DNAH11: variants seen among roughly 807,000 people sequenced by gnomAD.
DNAH11 encodes the protein dynein axonemal heavy chain 11, also known as axonemal beta dynein heavy chain 11.
In DNAH11, 442 loss-of-function variants were observed where a neutral mutation model predicts 526.0. The observed-to-expected ratio is 0.84, with a 90% CI of 0.78 to 0.91. DNAH11 has a LOEUF of 0.91. DNAH11 is among the 40% of genes least tolerant of loss of function. DNAH11 has a pLI of 0.00. For missense variants in DNAH11, 6,989 were observed against 5,448.7 expected (o/e 1.28, Z -8.90); for synonymous variants, 2,461 against 1,935.9 (o/e 1.27, Z -7.12).
intron 46 of DNAH11, 128 bp from the exon 47 acceptor site, chr7:21,738,573 A>G: frequency 2.2e-6 from 2 of 897,902 alleles, no homozygotes; most frequent in Non-Finnish European, 1.7e-6. Flanking sequence ...CTCTTAACCT[A>G]TGAAGGGGCG....
chr7:21,543,616 G>A lies in DNAH11; in HGVS notation c.351+20G>A. 6.4e-7 allele frequency: 1 copy of A among 1,566,946 alleles called. No homozygotes were observed. Among genetic ancestry groups the A allele is most frequent in the Non-Finnish European group, 8.7e-7 (1 of 1,155,480 alleles). The stretch of plus-strand genomic sequence containing the variant: ...CAGGAGGTAAGAGGCGACGGGCAAG[G>A]GGACCTGCCCATCCAACAAAACTAC... On this transcript the variant is annotated intron_variant, in intron 1 of 81. Transcript: ENST00000409508.
intron 75 of DNAH11, 66 bp downstream of exon 75, chr7:21,880,959 T>C: frequency 7.2e-7 from 1 of 1,392,230 alleles, no homozygotes; most frequent in Non-Finnish European, 9.7e-7. Context: ...TTGGGCACTA[T>C]CAAAATTGAC....
At chr7:21,812,666 AAGAG>A (rs150181073) in intron 63 of DNAH11, among the ~76,000 whole-genome samples, 1 of 151,856 alleles carries the variant, frequency 6.6e-6, no homozygotes, top group Admixed American at 6.6e-5. Context: ...AAAGAAAGAA[AAGAG>A]AGAGAGAGAG....
intron 9 of DNAH11, among the ~76,000 whole-genome samples, chr7:21,586,118 G>A (rs1000456807): frequency 1.3e-5 from 2 of 152,060 alleles, no homozygotes; most frequent in Non-Finnish European, 2.9e-5. Flanking sequence ...TTACAACCTC[G>A]CCTCAGAGTA....
At chr7:21,699,927 GT>G (rs1479216607) in intron 36 of DNAH11, among the ~76,000 whole-genome samples, 1 of 151,928 alleles carries the variant, frequency 6.6e-6, no homozygotes, top group East Asian at 1.9e-4. Context: ...AAGAATTTAG[GT>G]AATTCAGTTT....
chr7:21,854,291 TTA>T, intron 67 of DNAH11, 22 bp from the exon 68 acceptor site: 1 of 1,610,780 alleles, frequency 6.2e-7, no homozygotes, highest in South Asian at 1.1e-5. Flanking sequence ...AATAAGTTAC[TTA>T]TTTTGTTTGA....
In DNAH11 at chr7:21,882,759, T is replaced by C. The variant is rs150492111; in HGVS notation, c.12388-1532T>C. On this transcript the variant is annotated intron_variant, in intron 75 of 81. Coordinates refer to ENST00000409508, the MANE Select transcript of DNAH11 (RefSeq NM_001277115.2). Reference sequence around the variant, plus strand: ...TTGCAGTAAGCTGAGATCATACCACTGCACTCCAGCCTGAGCAACAGAGTA... The same window carrying C: ...TTGCAGTAAGCTGAGATCATACCACCGCACTCCAGCCTGAGCAACAGAGTA... Among the ~76,000 whole-genome samples, 476 of 152,178 alleles carry C rather than the reference T, an allele frequency of 3.1e-3. 4 individuals carry two copies. The highest frequency in any genetic ancestry group is 0.01 in the African/African-American group (434 of 41,494).
chr7:21,742,039 T>G lies in DNAH11; in HGVS notation c.8027T>G (p.Leu2676Arg). ...CAGCAAGCATTTGCTCCATCAATTC[T>G]CAGGAGTGGCCCCACTTTGATCCAG... ...FQQQAFAPSILRSGPTLIQAT... is the reference protein window; with the variant it reads ...FQQQAFAPSIRRSGPTLIQAT... The change falls in exon 49 of 82, where the codon CTC becomes CGC. Residue 2676 changes from leucine to arginine, a missense_variant. Leu to Arg is a moderately radical substitution (Grantham distance 102). Transcript: ENST00000409508. 1 of 1,613,938 alleles carries G rather than the reference T, an allele frequency of 6.2e-7. No homozygotes were observed. The highest frequency in any genetic ancestry group is 8.5e-7 in the Non-Finnish European group (1 of 1,179,858).
At chr7:21,811,015 A>G (rs1217144889) in intron 63 of DNAH11, among the ~76,000 whole-genome samples, 1 of 152,248 alleles carries the variant, frequency 6.6e-6, no homozygotes, top group East Asian at 1.9e-4. Context: ...ACATTAGCCA[A>G]AAGATGGAAG....
intron 66 of DNAH11, among the ~76,000 whole-genome samples, chr7:21,848,157 ACT>A (rs1473370228): frequency 7.5e-6 from 1 of 133,250 alleles, no homozygotes; most frequent in Non-Finnish European, 1.5e-5. Context: ...ATAGAGCGAG[ACT>A]CTGTTTCAAA....
At chr7:21,713,117 A>G (rs1784523330) in intron 42 of DNAH11, among the ~76,000 whole-genome samples, 1 of 152,210 alleles carries the variant, frequency 6.6e-6, no homozygotes, top group Non-Finnish European at 1.5e-5. Flanking sequence ...CATTTTCTAC[A>G]GTTCATCCTG....
intron 74 of DNAH11, among the ~76,000 whole-genome samples, chr7:21,878,372 C>CTAGA (rs1783795925): frequency 6.6e-6 from 1 of 152,264 alleles, no homozygotes; most frequent in African/African-American, 2.4e-5. Flanking sequence ...TTTATGTGGA[C>CTAGA]TATCTGTAAT....
At chr7:21,647,956 T>A (rs1787437457) in intron 28 of DNAH11, among the ~76,000 whole-genome samples, 1 of 152,164 alleles carries the variant, frequency 6.6e-6, no homozygotes. Context: ...AATTTGGATC[T>A]ATACCAAAAA....
At chr7:21,754,719 C>T (rs780602884) in intron 54 of DNAH11, among the ~76,000 whole-genome samples, 1 of 152,142 alleles carries the variant, frequency 6.6e-6, no homozygotes, top group Non-Finnish European at 1.5e-5. Context: ...AGGGATCCCA[C>T]TTCTGATCCC....
chr7:21,654,592 G>A (rs1032854657), intron 28 of DNAH11, among the ~76,000 whole-genome samples: 2 of 152,148 alleles, frequency 1.3e-5, no homozygotes, highest in African/African-American at 2.4e-5. Context: ...AACTCTGTAG[G>A]TATATACCTA....
intron 66 of DNAH11, 85 bp downstream of exon 66, chr7:21,842,833 G>C (rs1782268602): frequency 8.3e-7 from 1 of 1,207,392 alleles, no homozygotes; most frequent in African/African-American, 1.5e-5. Context: ...TATAAAATAG[G>C]ATTCCTGCCC....
rs1309403331 is a variant in DNAH11, at chr7:21,601,297, A to G, written c.3426-99A>G. ...TCATGATAGAGATAAATGTTTAATCAGGTACATAATGAAAATAAGATTCAA... is the reference window on the plus strand; with the variant it reads ...TCATGATAGAGATAAATGTTTAATCGGGTACATAATGAAAATAAGATTCAA... On this transcript the variant is annotated intron_variant, in intron 17 of 81. Transcript: ENST00000409508. 5 of 1,436,428 alleles carry G rather than the reference A, an allele frequency of 3.5e-6. No individual in the cohort carries two copies. In the African/African-American group the frequency reaches 7.2e-5, roughly 21 times the overall value. 89.0% of individuals were successfully genotyped at this position (1,436,428 alleles called of 1,614,324 possible).
At chr7:21,736,150 A>G (rs547394633) in intron 46 of DNAH11, among the ~76,000 whole-genome samples, 1 of 152,222 alleles carries the variant, frequency 6.6e-6, no homozygotes, top group Non-Finnish European at 1.5e-5. Flanking sequence ...AGTCTTACCA[A>G]TATAAGGGTA....
At chr7:21,820,187 C>A (rs1203608042) in intron 65 of DNAH11, among the ~76,000 whole-genome samples, 1 of 152,088 alleles carries the variant, frequency 6.6e-6, no homozygotes, top group Non-Finnish European at 1.5e-5. Flanking sequence ...TTGAGTAAAC[C>A]TTCTCTGAGC....
Sources: gnomAD v4.1 joint callset for allele counts (sites outside exome capture counted in the v4.1 genomes callset) on GRCh38, gnomAD v4.1.1 for gene constraint, MANE v1.5 for transcripts, NCBI Gene and HGNC (gene_info 2026-07-23, HGNC 2026-07-21) for gene names.